Variants in HSP90AA1 observed in about 807,000 individuals in gnomAD.
HSP90AA1 encodes the protein heat shock protein 90 alpha family class A member 1.
HSP90AA1 carries 18 observed loss-of-function variants against 73.3 expected under a neutral mutation model. The ratio of observed to expected loss-of-function variants is 0.25; its 90% confidence interval spans 0.17 to 0.36. The LOEUF is 0.36. Ranked by LOEUF, HSP90AA1 falls within the 10% of genes least tolerant of loss-of-function variation. The pLI is 1.00. For missense variants in HSP90AA1, 704 were observed against 874.2 expected, an observed-to-expected ratio of 0.81 and a Z score of 2.45; for synonymous variants, 477 against 296.9, an observed-to-expected ratio of 1.61 and a Z score of -6.24.
At chr14:102,095,105 G>A (rs1272249092) in intron 2 of HSP90AA1, among the ~76,000 whole-genome samples, 2 of 152,172 alleles carry the variant, frequency 1.3e-5, no homozygotes, top group Admixed American at 6.5e-5. Context: ...GCGCATCCAC[G>A]TGGATGGGCC....
At chr14:102,130,896 T>C (rs1383743199) in intron 1 of HSP90AA1, among the ~76,000 whole-genome samples, 2 of 151,988 alleles carry the variant, frequency 1.3e-5, no homozygotes, top group East Asian at 1.9e-4. Context: ...TTTAAATTTT[T>C]TTTGTAGAGA....
At chr14:102,138,713 C>T (rs148883907) in intron 1 of HSP90AA1, among the ~76,000 whole-genome samples, 1 of 152,264 alleles carries the variant, frequency 6.6e-6, no homozygotes, top group Non-Finnish European at 1.5e-5. Context: ...ATAGATCATT[C>T]TTGGTGTTAC....
Position 102,085,340 on chromosome 14 carries a change from C to T in HSP90AA1, c.621G>A (p.Val207=), listed in dbSNP as rs1249248091. Residue 207 remains valine, a synonymous_variant, in exon 4 of 11, where the codon GTG becomes GTA. Transcript: ENST00000216281. ...ATCCAATAAACTGAGAATGTTTCTT[C>T]ACAATCTCCTTTATTCTTCGTTCCT... ...YLEERRIKEI[V]KKHSQFIGYP... 5.0e-6 allele frequency: 8 copies of T among 1,611,170 alleles called. No individual in the cohort carries two copies. The highest frequency in any genetic ancestry group is 6.8e-6 in the Non-Finnish European group (8 of 1,177,410).
In HSP90AA1 at chr14:102,086,994, AGTGACCGCACAG is replaced by A; in HGVS notation, c.-21_-10del. On this transcript the variant is annotated 5_prime_UTR_variant, in exon 1 of 11. Coordinates refer to ENST00000216281, the MANE Select transcript of HSP90AA1 (RefSeq NM_005348.4). ...CCACAACCACCCGTCACCTTGGCTA[AGTGACCGCACAG>A]GACCAACGGCACAGCCACACCGGGA... The A allele has an allele frequency of 1.0e-6, 1 of 985,204 alleles. No homozygotes were observed. The highest frequency in any genetic ancestry group is 1.2e-6 in the Non-Finnish European group (1 of 830,112). The allele number at this position is 985,204 out of a possible 1,614,324, so 61.0% of individuals were successfully genotyped here. A position where few individuals can be genotyped will look rare whatever the true frequency, so the allele number is the denominator to read the frequency against.
chr14:102,139,235 T>G, intron 1 of HSP90AA1: 1 of 1,614,012 alleles, frequency 6.2e-7, no homozygotes, highest in South Asian at 1.1e-5. Context: ...GCGTAAATCT[T>G]GAGTCCCTTG....
chr14:102,083,883 C>T lies in HSP90AA1; in HGVS notation c.1248G>A (p.Leu416=), dbSNP rs1288980544. 2 of 1,613,450 alleles carry T rather than the reference C, an allele frequency of 1.2e-6. No homozygotes were observed. Among genetic ancestry groups the T allele is most frequent in the East Asian group, 2.2e-5 (1 of 44,896 alleles). The part of the protein sequence containing the change: ...SKILKVIRKN[L]VKKCLELFTE... ...TAAAGAGTTCTAAGCATTTTTTGACCAAATTCTTCCTGATAACTTTCAAAA... is the reference window on the plus strand; with the variant it reads ...TAAAGAGTTCTAAGCATTTTTTGACTAAATTCTTCCTGATAACTTTCAAAA... The change falls in exon 7 of 11, where the codon TTG becomes TTA. Residue 416 remains leucine, a synonymous_variant. Coordinates refer to ENST00000216281, the MANE Select transcript of HSP90AA1 (RefSeq NM_005348.4).
chr14:102,127,449 G>T (rs1322370915), intron 1 of HSP90AA1, among the ~76,000 whole-genome samples: 1 of 152,130 alleles, frequency 6.6e-6, no homozygotes, highest in Non-Finnish European at 1.5e-5. Context: ...CCTTATGACA[G>T]TTCTCTTATT....
chr14:102,109,986 T>C (rs1180263240), intron 1 of HSP90AA1, among the ~76,000 whole-genome samples: 1 of 152,084 alleles, frequency 6.6e-6, no homozygotes, highest in Non-Finnish European at 1.5e-5. Context: ...CAGGCTGGAG[T>C]GCAGTGGTGC....
intron 1 of HSP90AA1, among the ~76,000 whole-genome samples, chr14:102,110,919 C>T (rs1291819729): frequency 2.6e-5 from 4 of 151,822 alleles, no homozygotes; most frequent in African/African-American, 9.7e-5. Context: ...GGTTTTGCCA[C>T]GTTGGCCAGG....
intron 1 of HSP90AA1, among the ~76,000 whole-genome samples, chr14:102,132,766 C>A (rs2049923815): frequency 6.6e-6 from 1 of 151,686 alleles, no homozygotes; most frequent in African/African-American, 2.4e-5. Context: ...CGAGACCAAC[C>A]TGGCCAAATG....
At chr14:102,119,009 C>CGTGTG (rs1325522551) in intron 1 of HSP90AA1, among the ~76,000 whole-genome samples, 1 of 151,976 alleles carries the variant, frequency 6.6e-6, no homozygotes, top group Non-Finnish European at 1.5e-5. Context: ...CACCTGACAC[C>CGTGTG]ACACCCATCT....
rs548216492 is a variant in HSP90AA1 at position 102,113,020 on chromosome 14, G to GTATT, written c.156-10939_156-10936dup. 1.1e-3 allele frequency among the ~76,000 whole-genome samples: 169 copies of GTATT among 151,880 alleles called. 3 individuals are homozygous for GTATT. The highest frequency in any genetic ancestry group is 7.2e-3 in the Admixed American group (109 of 15,228). On this transcript the variant is annotated intron_variant, in intron 1 of 11. Coordinates refer to the HSP90AA1 transcript ENST00000334701. ...TTCATTTGTGTCATTTGTTTTGTTT[G>GTATT]TATTTATTTATTTATTTTTTTGAGA...
rs150605311 is a variant in HSP90AA1 at position 102,080,847 on chromosome 14, G to C, written c.*865C>G. 1.9e-3 allele frequency: 424 copies of C among 227,758 alleles called. 2 individuals carry two copies. Among genetic ancestry groups the C allele is most frequent in the African/African-American group, 8.8e-3 (399 of 45,148 alleles). 14.1% of individuals were successfully genotyped at this position (227,758 alleles called of 1,614,324 possible). ...CATGTAACTCATGGACGCAGGGGAT[G>C]CATGTTGTCTGCATTCCTGTTTTCT... On this transcript the variant is annotated 3_prime_UTR_variant, in exon 11 of 11. Transcript: ENST00000216281.
chr14:102,105,003 A>C (rs576815349), intron 1 of HSP90AA1, among the ~76,000 whole-genome samples: 72 of 149,198 alleles, frequency 4.8e-4, no homozygotes, highest in South Asian at 1.3e-3. Context: ...TCGAGACCAT[A>C]CTGCCTAACA....
exon 1 of HSP90AA1, chr14:102,139,484 G>T: frequency 2.1e-6 from 3 of 1,408,404 alleles, no homozygotes; most frequent in Admixed American, 2.6e-5. Context: ...CGCTCTTTGG[G>T]GTCCCGGCGC....
At chr14:102,101,705 AG>A (rs1318259064) in intron 2 of HSP90AA1, among the ~76,000 whole-genome samples, 1 of 152,236 alleles carries the variant, frequency 6.6e-6, no homozygotes, top group African/African-American at 2.4e-5. Context: ...CTGGGCCTGT[AG>A]TGGACCCTCA....
Position 102,081,346 on chromosome 14 carries a change from T to C in HSP90AA1, c.*366A>G, listed in dbSNP as rs2049093641. ...TCCTACAAGATGTAACGAATACTTT[T>C]CTAAACATCAAGATACAGCTCAGAA... On this transcript the variant is annotated 3_prime_UTR_variant, in exon 11 of 11. Transcript: ENST00000216281. 1 of 347,350 alleles carries C rather than the reference T, an allele frequency of 2.9e-6. No homozygotes were observed. The highest frequency in any genetic ancestry group is 8.5e-4 in the Middle Eastern group (1 of 1,178). 21.5% of individuals were successfully genotyped at this position (347,350 alleles called of 1,614,324 possible).
upstream of HSP90AA1, among the ~76,000 whole-genome samples, chr14:102,087,993 C>A (rs2152614778): frequency 8.0e-6 from 1 of 124,908 alleles, no homozygotes; most frequent in East Asian, 2.5e-4. Context: ...GTCGCCCAGG[C>A]TGGGGTGCCG....
intron 1 of HSP90AA1, among the ~76,000 whole-genome samples, chr14:102,114,013 ATTTAT>A (rs2049676345): frequency 6.7e-6 from 1 of 149,770 alleles, no homozygotes; most frequent in Non-Finnish European, 1.5e-5. Flanking sequence ...CCCCGCCCCC[ATTTAT>A]TTTATTTATT....
Sources: gnomAD v4.1 joint callset for allele counts (sites outside exome capture counted in the v4.1 genomes callset) on GRCh38, gnomAD v4.1.1 for gene constraint, MANE v1.5 for transcripts, NCBI Gene and HGNC (gene_info 2026-07-23, HGNC 2026-07-21) for gene names.